PUM2: variants seen among roughly 807,000 people sequenced by gnomAD.
The protein encoded by PUM2 is pumilio homolog 2.
PUM2 carries 57 observed loss-of-function variants against 124.5 expected under a neutral mutation model. The ratio of observed to expected loss-of-function variants is 0.46; its 90% confidence interval spans 0.37 to 0.57. The LOEUF is 0.57. PUM2 is among the 20% of genes least tolerant of loss of function. PUM2 has a pLI of 0.00. For synonymous variants in PUM2, 460 were observed against 446.1 expected, an observed-to-expected ratio of 1.03 and a Z score of -0.39; for missense variants, 1,065 against 1,290.6, an observed-to-expected ratio of 0.83 and a Z score of 2.68.
chr2:20,315,093 G>C (rs1680570065), intron 3 of PUM2, among the ~76,000 whole-genome samples: 1 of 149,264 alleles, frequency 6.7e-6, no homozygotes, highest in Non-Finnish European at 1.5e-5. Context: ...GGAAGGTGCA[G>C]GGTCTCACTA....
rs758010940 is a variant in PUM2, at chr2:20,290,744, C to G, written c.1199G>C (p.Gly400Ala). The G allele has an allele frequency of 8.7e-6, 14 of 1,613,060 alleles. No homozygotes were observed. In the South Asian group the frequency reaches 1.5e-4, roughly 18 times the overall value. The change falls in exon 10 of 21, where the codon GGT becomes GCT. Residue 400 changes from glycine to alanine, a missense_variant. Coordinates refer to ENST00000361078, the MANE Select transcript of PUM2 (RefSeq NM_015317.5). ...AGQRPLTPNQ[G>A]QQGQQAESLA... ...TGATTCTGCTTGCTGCCCTTGCTGA[C>G]CCTGATTGGGAGTAAGAGGACGCTG...
In PUM2 at chr2:20,297,615, G is replaced by T; in HGVS notation, c.947C>A (p.Ala316Asp). 1 of 1,613,016 alleles carries T rather than the reference G, an allele frequency of 6.2e-7. No individual in the cohort carries two copies. The highest frequency in any genetic ancestry group is 8.5e-7 in the Non-Finnish European group (1 of 1,178,978). Residue 316 changes from alanine (A) to aspartate (D), a missense_variant, in exon 8 of 21, where the codon GCT becomes GAT. Physicochemically the swap from Ala to Asp is moderately radical, Grantham distance 126 (BLOSUM62 -2). This residue lies in a region of PUM2 where 968 missense variants were observed against 1,159.8 expected (regional missense o/e 0.83). Transcript: ENST00000361078. Reference sequence around the variant, plus strand: ...ATACGGATCGGTCCCTGGAGGAGCAGCACTAATAATGTATGGATTTGGCAC... The same window carrying T: ...ATACGGATCGGTCCCTGGAGGAGCATCACTAATAATGTATGGATTTGGCAC... The part of the protein sequence containing the change: ...AFVPNPYIIS[A>D]APPGTDPYTA...
chr2:20,336,197 G>GT (rs34568696), intron 1 of PUM2, among the ~76,000 whole-genome samples: 26,004 of 150,638 alleles, frequency 0.17, 2,914 homozygotes, highest in East Asian at 0.5. Flanking sequence ...TTTTTTGTTT[G>GT]TTTTTTTTTG....
At chr2:20,349,135 G>C (rs987147772) in intron 1 of PUM2, among the ~76,000 whole-genome samples, 1 of 152,162 alleles carries the variant, frequency 6.6e-6, no homozygotes, top group Non-Finnish European at 1.5e-5. Context: ...ACACCTAAGA[G>C]AACTTTGGAC....
chr2:20,351,313 CCTTTAA>C (rs1239505673), upstream of PUM2, among the ~76,000 whole-genome samples: 2 of 152,186 alleles, frequency 1.3e-5, no homozygotes, highest in African/African-American at 4.8e-5. Context: ...TTAATTCAGG[CCTTTAA>C]CTTTCACTCT....
chr2:20,350,416 C>T (rs1238808162), intron 1 of PUM2, 181 bp downstream of exon 1: 2 of 921,918 alleles, frequency 2.2e-6, no homozygotes, highest in African/African-American at 1.8e-5. Flanking sequence ...CACCCCCTTC[C>T]GGCACCCCTC....
At chr2:20,299,237 T>C (rs1434733241) in intron 7 of PUM2, among the ~76,000 whole-genome samples, 1 of 152,122 alleles carries the variant, frequency 6.6e-6, no homozygotes, top group Non-Finnish European at 1.5e-5. Flanking sequence ...TCCGACATTG[T>C]CTCTGGGTAG....
At chr2:20,266,479 A>AC (rs543443947) in intron 13 of PUM2, among the ~76,000 whole-genome samples, 49 of 136,032 alleles carry the variant, frequency 3.6e-4, no homozygotes, top group African/African-American at 1.3e-3. Flanking sequence ...AACAACAACA[A>AC]CCCCCCCACC....
chr2:20,318,472 G>T, intron 3 of PUM2, 65 bp downstream of exon 3: 1 of 1,356,808 alleles, frequency 7.4e-7, no homozygotes, highest in African/African-American at 1.5e-5. Flanking sequence ...TAAAAAAAAA[G>T]GTGCATTATG....
chr2:20,299,887 T>A (rs1676540932), intron 7 of PUM2, among the ~76,000 whole-genome samples: 1 of 152,186 alleles, frequency 6.6e-6, no homozygotes, highest in Admixed American at 6.5e-5. Flanking sequence ...CATAGGTACA[T>A]TTTAAAATTT....
intron 3 of PUM2, among the ~76,000 whole-genome samples, chr2:20,317,008 G>A (rs1681106356): frequency 6.6e-6 from 1 of 152,024 alleles, no homozygotes; most frequent in Non-Finnish European, 1.5e-5. Flanking sequence ...TCCAGCCTGG[G>A]CCACAGAGCG....
In PUM2 at chr2:20,258,305, A is replaced by G. The variant is rs1360255137; in HGVS notation, c.2422T>C (p.Leu808=). Residue 808 remains leucine, a synonymous_variant, in exon 16 of 21, where the codon TTG becomes CTG. Transcript: ENST00000361078. ...ATAACGCGGCAGCCATACATCTGCA[A>G]GGCTAAGGGTAGAACATGACCACGA... ...RIRGHVLPLA[L]QMYGCRVIQK... is the part of the protein sequence containing the mutation. 6.2e-7 allele frequency: 1 copy of G among 1,612,222 alleles called. No individual in the cohort carries two copies. The highest frequency in any genetic ancestry group is 2.2e-5 in the East Asian group (1 of 44,810).
At chr2:20,317,975 T>C (rs1681405156) in intron 3 of PUM2, among the ~76,000 whole-genome samples, 1 of 152,224 alleles carries the variant, frequency 6.6e-6, no homozygotes, top group Admixed American at 6.5e-5. Context: ...GTTTTGCTAT[T>C]ATGGAATAAT....
chr2:20,254,212 G>C (rs1664207874), intron 19 of PUM2, among the ~76,000 whole-genome samples, 198 bp from the exon 20 acceptor site: 1 of 151,618 alleles, frequency 6.6e-6, no homozygotes, highest in Non-Finnish European at 1.5e-5. Context: ...CCGGGCTGGA[G>C]TGCAGTGATG....
chr2:20,341,328 AT>A (rs1287024043), intron 1 of PUM2, among the ~76,000 whole-genome samples: 2 of 152,254 alleles, frequency 1.3e-5, no homozygotes, highest in East Asian at 1.9e-4. Flanking sequence ...AATTAAAAAA[AT>A]AAGCCAAACT....
chr2:20,278,909 A>T, intron 12 of PUM2, 90 bp from the exon 13 acceptor site: 1 of 884,212 alleles, frequency 1.1e-6, no homozygotes, highest in Non-Finnish European at 1.8e-6. Context: ...AACAGAAGTG[A>T]TCACAATAAT....
chr2:20,332,863 C>T (rs556021648), intron 1 of PUM2: 1 of 152,102 alleles, frequency 6.6e-6, no homozygotes, highest in East Asian at 1.9e-4. Flanking sequence ...AGTATGGCAC[C>T]ATGTACTGCT....
At chr2:20,331,917 G>A (rs1414666698) in intron 1 of PUM2, 8 of 152,124 alleles carry the variant, frequency 5.3e-5, no homozygotes, top group Non-Finnish European at 7.3e-5. Context: ...ACTCAACTAC[G>A]CCTCTGTAGC....
rs1009858578 is a variant in PUM2 at position 20,289,975 on chromosome 2, A to C, written c.1291+677T>G. Among the ~76,000 whole-genome samples, 3 of 152,226 alleles carry C rather than the reference A, an allele frequency of 2.0e-5. No individual in the cohort carries two copies. In the East Asian group the frequency reaches 5.8e-4, roughly 29 times the overall value. On this transcript the variant is annotated intron_variant, in intron 10 of 20. Coordinates refer to ENST00000361078, the MANE Select transcript of PUM2 (RefSeq NM_015317.5). ...GTTATGCCTTATCTACTGATATTCA[A>C]ATATAGCTTTAAAGTTTAAAAACAA...
Sources: allele counts gnomAD v4.1 joint callset (sites outside exome capture counted in the v4.1 genomes callset), GRCh38; gene constraint gnomAD v4.1.1; regional missense constraint gnomAD v4.1.1; transcripts MANE v1.5; gene names NCBI Gene and HGNC (gene_info 2026-07-23, HGNC 2026-07-21).